Variants in MIP observed in about 807,000 individuals in gnomAD.
The protein encoded by MIP is major intrinsic protein of lens fiber.
In MIP, 14 loss-of-function variants were observed where a neutral mutation model predicts 21.8. The ratio of observed to expected loss-of-function variants is 0.64; its 90% CI spans 0.42 to 1.00. The LOEUF (loss-of-function observed/expected upper bound fraction) is 1.00, where lower values mean the gene tolerates loss of function less well. Ranked by LOEUF, MIP falls within the 50% of genes least tolerant of loss-of-function variation. The pLI is 0.00. For synonymous variants in MIP, 133 were observed against 141.4 expected (o/e 0.94, Z 0.42); for missense variants, 260 against 333.5 (o/e 0.78, Z 1.72).
rs559008561 is a variant in MIP at position 56,454,346 on chromosome 12, T to C, written c.268A>G (p.Met90Val). ...ACAGCTCCCAGGAGCTGGGCTGCCA[T>C]ATAGCAGAAGGCACGGAGCAGGGAC... Reference protein sequence around the residue: ...QMSLLRAFCYMAAQLLGAVAG... With the variant: ...QMSLLRAFCYVAAQLLGAVAG... Residue 90 changes from methionine to valine, a missense_variant, in exon 1 of 4, where the codon ATG (methionine) becomes GTG (valine). Transcript: ENST00000652304. 3.7e-6 allele frequency: 6 copies of C among 1,614,004 alleles called. No individual in the cohort carries two copies. The highest frequency in any genetic ancestry group is 1.3e-5 in the African/African-American group (1 of 75,012).
rs889211055 is a variant in MIP at position 56,453,161 on chromosome 12, G to C, written c.526-9C>G. On this transcript the variant is annotated splice_polypyrimidine_tract_variant and intron_variant, in intron 2 of 3. Transcript: ENST00000652304. ...GCACCAGTATAATACATCTGCAAAA[G>C]AGACAGTTGTAACTGAGACACCCCC... 5.0e-6 allele frequency: 8 copies of C among 1,602,648 alleles called. No individual in the cohort carries two copies. Among genetic ancestry groups the C allele is most frequent in the Non-Finnish European group, 6.0e-6 (7 of 1,169,618 alleles).
rs978456336 is a variant in MIP, at chr12:56,450,912, C to T, written c.*368G>A. ...GGTAAAGGCCAGAAACTTAAGGTGT[C>T]GGTTACCCAGTACTCACCATACTGG... On this transcript the variant is annotated 3_prime_UTR_variant, in exon 4 of 4. Transcript: ENST00000652304. The T allele has an allele frequency of 9.1e-6, 2 of 219,454 alleles. No individual in the cohort carries two copies. The highest frequency in any genetic ancestry group is 1.9e-5 in the Non-Finnish European group (2 of 107,978). The allele number at this position is 219,454 out of a possible 1,614,324, so 13.6% of individuals were successfully genotyped here. A position where few individuals can be genotyped will look rare whatever the true frequency, so the allele number is the denominator to read the frequency against.
At chr12:56,454,747 C>A, upstream of MIP, 1 of 1,095,346 alleles carries the variant, frequency 9.1e-7, no homozygotes, top group Non-Finnish European at 1.3e-6. Context: ...CTCTTAACCC[C>A]TTCACAGCTG....
chr12:56,451,794 G>GAGACGGGCGGATCACA (rs1016980282), intron 3 of MIP, among the ~76,000 whole-genome samples: 1 of 152,148 alleles, frequency 6.6e-6, no homozygotes, highest in Non-Finnish European at 1.5e-5. Flanking sequence ...TTGGGAGGCT[G>GAGACGGGCGGATCACA]AGACGGGCGG....
chr12:56,451,127 A>C lies in MIP; in HGVS notation c.*153T>G. ...GCAACTTGAAAGATTTCACACAGCAAAAGGAAAAAAAAAAAAAAAACAACC... is the reference window on the plus strand; with the variant it reads ...GCAACTTGAAAGATTTCACACAGCACAAGGAAAAAAAAAAAAAAAACAACC... On this transcript the variant is annotated 3_prime_UTR_variant, in exon 4 of 4. Transcript: ENST00000652304. 1.5e-6 allele frequency: 1 copy of C among 654,792 alleles called. No homozygotes were observed. The highest frequency in any genetic ancestry group is 2.5e-6 in the Non-Finnish European group (1 of 395,418). The allele number at this position is 654,792 out of a possible 1,614,324, so 40.6% of individuals were successfully genotyped here. A position where few individuals can be genotyped will look rare whatever the true frequency, so the allele number is the denominator to read the frequency against.
At chr12:56,453,249 C>T (rs1160741562) in intron 2 of MIP, 97 bp from the exon 3 acceptor site, 14 of 932,734 alleles carry the variant, frequency 1.5e-5, no homozygotes, top group African/African-American at 6.5e-5. Flanking sequence ...CATCTTTTCT[C>T]CAGCCAGCAG....
chr12:56,454,125 C>A (rs185491130), intron 1 of MIP, 129 bp downstream of exon 1: 239 of 1,309,544 alleles, frequency 1.8e-4, no homozygotes, highest in East Asian at 1.6e-3. Flanking sequence ...CACTTCAACA[C>A]ACACATGCTC....
At chr12:56,452,432 A>C (rs1868649958) in intron 3 of MIP, among the ~76,000 whole-genome samples, 1 of 152,204 alleles carries the variant, frequency 6.6e-6, no homozygotes, top group African/African-American at 2.4e-5. Flanking sequence ...CCACTGAGGA[A>C]CACTTGGGTT....
chr12:56,452,650 A>G (rs1025443450), intron 3 of MIP: 7 of 225,848 alleles, frequency 3.1e-5, no homozygotes, highest in Non-Finnish European at 5.4e-5. Context: ...TTTTATAGTA[A>G]AACAAACTGA....
intron 1 of MIP, 100 bp from the exon 2 acceptor site, chr12:56,453,855 G>A (rs1026398946): frequency 1.7e-5 from 21 of 1,227,582 alleles, no homozygotes; most frequent in African/African-American, 6.0e-5. Context: ...CATCAGGTCC[G>A]TGGAGAGGAA....
In MIP at chr12:56,450,638, C is replaced by T. The variant is rs2136163764; in HGVS notation, c.*642G>A. On this transcript the variant is annotated 3_prime_UTR_variant, in exon 4 of 4. Transcript: ENST00000652304. ...CTCAGAGCTACTTCCCCACCCAAGTCCCTGGGGCAAGCATCCCTAAGATAA... is the reference window on the plus strand; with the variant it reads ...CTCAGAGCTACTTCCCCACCCAAGTTCCTGGGGCAAGCATCCCTAAGATAA... The T allele has an allele frequency of 6.5e-6, 1 of 153,116 alleles. No homozygotes were observed. Among genetic ancestry groups the T allele is most frequent in the South Asian group, 2.1e-4 (1 of 4,868 alleles). 9.5% of individuals were successfully genotyped at this position (153,116 alleles called of 1,614,324 possible). A position where few individuals can be genotyped will look rare whatever the true frequency, so the allele number is the denominator to read the frequency against.
In MIP at chr12:56,453,535, A is replaced by G. The variant is rs1868685162; in HGVS notation, c.525+56T>C. ...GCAGGAAGAACCCTTAAAAGTTGGG[A>G]AAGGTTTAGGGGCCCCGGAATCCTT... On this transcript the variant is annotated intron_variant, in intron 2 of 3. Coordinates refer to ENST00000652304, the MANE Select transcript of MIP (RefSeq NM_012064.4). The G allele has an allele frequency of 1.9e-6, 3 of 1,602,292 alleles. No individual in the cohort carries two copies. In the South Asian group the frequency reaches 3.3e-5, roughly 18 times the overall value.
upstream of MIP, among the ~76,000 whole-genome samples, chr12:56,454,876 G>C (rs1868747491): frequency 6.6e-6 from 1 of 152,226 alleles, no homozygotes; most frequent in South Asian, 2.1e-4. Context: ...CACAGCAAGA[G>C]AGACTACGAG....
At chr12:56,451,493 G>T (rs906568175) in intron 3 of MIP, 28 bp from the exon 4 acceptor site, 3 of 1,607,014 alleles carry the variant, frequency 1.9e-6, no homozygotes, top group Non-Finnish European at 1.7e-6. Flanking sequence ...GAATACTCAG[G>T]CTTGGGGAGG....
chr12:56,452,097 A>G (rs1868639352), intron 3 of MIP, among the ~76,000 whole-genome samples: 1 of 152,188 alleles, frequency 6.6e-6, no homozygotes, highest in South Asian at 2.1e-4. Context: ...AGTAGTGTTA[A>G]GTATATTCAC....
chr12:56,454,889 G>T (rs1001596371), upstream of MIP, among the ~76,000 whole-genome samples: 6 of 152,202 alleles, frequency 3.9e-5, no homozygotes, highest in Non-Finnish European at 5.9e-5. Flanking sequence ...ACTACGAGAA[G>T]TGGGGGTGAA....
chr12:56,453,182 C>A (rs904897735), intron 2 of MIP, 30 bp from the exon 3 acceptor site: 8 of 1,481,704 alleles, frequency 5.4e-6, no homozygotes, highest in Non-Finnish European at 7.5e-6. Flanking sequence ...AACTGAGACA[C>A]CCCCCTACTG....
chr12:56,454,849 G>A (rs1346422574), upstream of MIP, among the ~76,000 whole-genome samples: 1 of 152,202 alleles, frequency 6.6e-6, no homozygotes, highest in Non-Finnish European at 1.5e-5. Context: ...CCATGGCAGT[G>A]AGGGTGGGAT....
At chr12:56,452,980 C>T in intron 3 of MIP, 92 bp downstream of exon 3, 1 of 882,260 alleles carries the variant, frequency 1.1e-6, no homozygotes, top group Non-Finnish European at 1.9e-6. Flanking sequence ...GCAGCCAACA[C>T]ACGCAGAAGG....
Sources: allele counts gnomAD v4.1 joint callset (sites outside exome capture counted in the v4.1 genomes callset), GRCh38; gene constraint gnomAD v4.1.1; transcripts MANE v1.5; gene names NCBI Gene and HGNC (gene_info 2026-07-23, HGNC 2026-07-21).